EXOC4: variants seen among roughly 807,000 people sequenced by gnomAD.
The protein encoded by EXOC4 is SEC8-like 1.
A neutral mutation model predicts 107.2 loss-of-function variants in EXOC4; 71 were observed. The ratio of observed to expected loss-of-function variants is 0.66; its 90% CI spans 0.55 to 0.81. The LOEUF (loss-of-function observed/expected upper bound fraction) is 0.81, where lower values mean the gene tolerates loss of function less well. Ranked by LOEUF, EXOC4 falls within the 30% of genes least tolerant of loss-of-function variation. The probability of loss-of-function intolerance (pLI) is 0.00; values close to 1 mark genes in which losing one functional copy is unlikely to be tolerated. For missense variants in EXOC4, 1,108 were observed against 1,189.6 expected, an observed-to-expected ratio of 0.93 and a Z score of 1.01; for synonymous variants, 456 against 441.2, an observed-to-expected ratio of 1.03 and a Z score of -0.42.
chr7:133,381,131 G>A (rs1351285580), intron 7 of EXOC4, among the ~76,000 whole-genome samples: 2 of 152,036 alleles, frequency 1.3e-5, no homozygotes, highest in Non-Finnish European at 2.9e-5. Flanking sequence ...GAGCATTTTT[G>A]AATAAGAGGT....
In EXOC4 at chr7:133,962,872, G is replaced by A. The variant is rs541380973; in HGVS notation, c.2206+24803G>A. Among the ~76,000 whole-genome samples the A allele has an allele frequency of 3.3e-5, 5 of 152,324 alleles. No homozygotes were observed. In the East Asian group the frequency reaches 5.8e-4, roughly 18 times the overall value. On this transcript the variant is annotated intron_variant, in intron 14 of 17. Coordinates refer to ENST00000253861, the MANE Select transcript of EXOC4 (RefSeq NM_021807.4). ...ATGTATTTAAAATGCAAAGGGCTAC[G>A]TTAATTCCACACTGTGGCTGAGATT...
chr7:133,963,053 T>G (rs1010490228), intron 14 of EXOC4, among the ~76,000 whole-genome samples: 4 of 152,258 alleles, frequency 2.6e-5, no homozygotes, highest in African/African-American at 9.6e-5. Context: ...GGTGGCAGCA[T>G]GATAAAAACA....
intron 5 of EXOC4, among the ~76,000 whole-genome samples, chr7:133,333,064 G>A (rs909862559): frequency 3.9e-5 from 6 of 151,990 alleles, no homozygotes; most frequent in African/African-American, 1.4e-4. Context: ...CAATTATCAG[G>A]CGTTGGCCAA....
At chr7:133,952,533 T>G (rs1243815547) in intron 14 of EXOC4, among the ~76,000 whole-genome samples, 1 of 152,234 alleles carries the variant, frequency 6.6e-6, no homozygotes, top group African/African-American at 2.4e-5. Context: ...AAATGTCCAG[T>G]TTGGTGGCAT....
chr7:133,414,593 A>G (rs1401537949), intron 7 of EXOC4, among the ~76,000 whole-genome samples: 1 of 152,170 alleles, frequency 6.6e-6, no homozygotes, highest in East Asian at 1.9e-4. Context: ...TGTTTCCTCC[A>G]TACAGTAGAG....
intron 9 of EXOC4, among the ~76,000 whole-genome samples, chr7:133,588,871 C>CA (rs1801469892): frequency 6.6e-6 from 1 of 150,938 alleles, no homozygotes; most frequent in Admixed American, 6.6e-5. Flanking sequence ...GAGTGAAACT[C>CA]AGTCTCAAAA....
intron 3 of EXOC4, among the ~76,000 whole-genome samples, chr7:133,290,193 G>A (rs1222008643): frequency 6.6e-6 from 1 of 152,204 alleles, no homozygotes; most frequent in Non-Finnish European, 1.5e-5. Context: ...CACAGTGGAA[G>A]GAGATTAATA....
chr7:133,772,419 A>T (rs1796261949), intron 10 of EXOC4, among the ~76,000 whole-genome samples: 1 of 152,082 alleles, frequency 6.6e-6, no homozygotes, highest in South Asian at 2.1e-4. Flanking sequence ...TAGAACTTGC[A>T]ATGCATTAAC....
rs539879042 is a variant in EXOC4 at position 133,902,162 on chromosome 7, C to T, written c.1871+6427C>T. 2.7e-4 allele frequency among the ~76,000 whole-genome samples: 41 copies of T among 152,268 alleles called. 1 individual carries two copies. Among genetic ancestry groups the T allele is most frequent in the South Asian group, 1.7e-3 (8 of 4,828 alleles). ...AAATTCACCTCATTTCTGTAATTTA[C>T]GTTGCTTTTCTTTTATGAACATCAG... On this transcript the variant is annotated intron_variant, in intron 12 of 17. Coordinates refer to ENST00000253861, the MANE Select transcript of EXOC4 (RefSeq NM_021807.4).
chr7:134,066,199 T>G (rs931097794), downstream of EXOC4: 2 of 152,316 alleles, frequency 1.3e-5, no homozygotes, highest in Non-Finnish European at 1.5e-5. Context: ...AGCTGCTGCT[T>G]CATGGCCGTG....
intron 17 of EXOC4, among the ~76,000 whole-genome samples, chr7:134,055,422 A>G (rs140618381): frequency 2.2e-3 from 339 of 152,298 alleles, no homozygotes; most frequent in Non-Finnish European, 3.8e-3. Context: ...CAAAAAATAG[A>G]ACGAATTGGC....
intron 10 of EXOC4, among the ~76,000 whole-genome samples, chr7:133,718,481 C>T (rs1179871310): frequency 6.6e-6 from 1 of 152,118 alleles, no homozygotes; most frequent in Non-Finnish European, 1.5e-5. Flanking sequence ...GGAAAGTGTT[C>T]ACCTACCCAA....
chr7:133,823,117 CT>C (rs1797564064), intron 11 of EXOC4, among the ~76,000 whole-genome samples: 1 of 152,200 alleles, frequency 6.6e-6, no homozygotes, highest in African/African-American at 2.4e-5. Context: ...CAAACATAAG[CT>C]GTGCAAGTAC....
chr7:133,598,085 A>G (rs778994223), intron 9 of EXOC4, among the ~76,000 whole-genome samples: 7 of 152,192 alleles, frequency 4.6e-5, no homozygotes, highest in African/African-American at 1.2e-4. Context: ...AATGGAGACA[A>G]AAGGCTTATA....
chr7:133,809,637 A>G (rs537539571), intron 10 of EXOC4, among the ~76,000 whole-genome samples: 1 of 152,222 alleles, frequency 6.6e-6, no homozygotes, highest in African/African-American at 2.4e-5. Flanking sequence ...GTTGTGATAC[A>G]TGGAATCAGC....
intron 15 of EXOC4, among the ~76,000 whole-genome samples, chr7:134,000,216 A>T (rs373990117): frequency 6.6e-6 from 1 of 152,168 alleles, no homozygotes; most frequent in African/African-American, 2.4e-5. Flanking sequence ...ACACCACATA[A>T]GGCTCGGATA....
At chr7:133,368,406 TAAG>T (rs1391450979) in intron 6 of EXOC4, among the ~76,000 whole-genome samples, 1 of 152,212 alleles carries the variant, frequency 6.6e-6, no homozygotes, top group Non-Finnish European at 1.5e-5. Context: ...AATCAAGCTG[TAAG>T]AAGGAGAGAG....
chr7:133,450,592 T>C (rs1744631276), intron 7 of EXOC4, among the ~76,000 whole-genome samples: 1 of 152,196 alleles, frequency 6.6e-6, no homozygotes, highest in Non-Finnish European at 1.5e-5. Flanking sequence ...TTTTAGCCTA[T>C]TATTTAAACA....
intron 14 of EXOC4, among the ~76,000 whole-genome samples, chr7:133,962,743 G>A (rs933634154): frequency 1.6e-4 from 24 of 152,164 alleles, no homozygotes; most frequent in African/African-American, 4.8e-4. Context: ...TTTTGGAAAC[G>A]TGAACCAAGC....
Sources: allele counts gnomAD v4.1 joint callset (sites outside exome capture counted in the v4.1 genomes callset), GRCh38; gene constraint gnomAD v4.1.1; transcripts MANE v1.5; gene names NCBI Gene and HGNC (gene_info 2026-07-23, HGNC 2026-07-21).